The following EVL variants were observed in gnomAD, a reference collection of about 807,000 sequenced individuals.
EVL encodes ena/VASP-like protein.
A neutral mutation model predicts 59.6 loss-of-function variants in EVL; 21 were observed. The ratio of observed to expected loss-of-function variants is 0.35; its 90% CI spans 0.25 to 0.51. EVL has a LOEUF of 0.51. Among genes scored for constraint, EVL ranks in the 20% least tolerant of loss-of-function variants. The pLI, the probability that EVL is intolerant of heterozygous loss-of-function variation, is 0.97. For missense variants in EVL, 462 were observed against 546.6 expected, an observed-to-expected ratio of 0.85 and a Z score of 1.54; for synonymous variants, 198 against 203.5, an observed-to-expected ratio of 0.97 and a Z score of 0.23.
chr14:100,046,833 AC>A (rs1224708372), intron 1 of EVL, among the ~76,000 whole-genome samples: 1 of 148,628 alleles, frequency 6.7e-6, no homozygotes, highest in East Asian at 2.0e-4. Context: ...GCTCACTGCA[AC>A]CTCCGCCTCC....
intron 1 of EVL, among the ~76,000 whole-genome samples, chr14:100,080,415 G>A (rs992985834): frequency 1.3e-5 from 2 of 152,164 alleles, no homozygotes; most frequent in African/African-American, 4.8e-5. Context: ...GCCCCATGCT[G>A]GGCTCATGGA....
intron 1 of EVL, among the ~76,000 whole-genome samples, chr14:99,986,706 A>G (rs1039930489): frequency 6.6e-6 from 1 of 152,210 alleles, no homozygotes; most frequent in Non-Finnish European, 1.5e-5. Context: ...TTCCAAGGAG[A>G]TAGAGCATAA....
At chr14:100,115,952 G>A (rs372597641) in intron 3 of EVL, among the ~76,000 whole-genome samples, 73 of 152,360 alleles carry the variant, frequency 4.8e-4, no homozygotes, top group African/African-American at 1.8e-3. Flanking sequence ...AATCAGTGCT[G>A]AGCATCAGTG....
chr14:100,016,932 G>A (rs1220801386), intron 1 of EVL, among the ~76,000 whole-genome samples: 2 of 152,220 alleles, frequency 1.3e-5, no homozygotes, highest in Non-Finnish European at 2.9e-5. Context: ...AAAAGGGTCA[G>A]TGTCCTACCG....
At chr14:100,022,506 C>CT (rs1404018911) in intron 1 of EVL, among the ~76,000 whole-genome samples, 2 of 152,114 alleles carry the variant, frequency 1.3e-5, no homozygotes, top group African/African-American at 4.8e-5. Context: ...TCTTGAACTC[C>CT]TGACCTCATG....
At chr14:100,085,844 C>G (rs1417654538) in intron 2 of EVL, among the ~76,000 whole-genome samples, 1 of 152,150 alleles carries the variant, frequency 6.6e-6, no homozygotes, top group Admixed American at 6.5e-5. Flanking sequence ...GGTAGTCTTT[C>G]TGGCTGGGCA....
rs574378743 is a variant in EVL at position 100,143,878 on chromosome 14, A to T, written c.*140A>T. 11 of 992,278 alleles carry T rather than the reference A, an allele frequency of 1.1e-5. No individual in the cohort carries two copies. In the Admixed American group the frequency reaches 1.2e-4, roughly 11 times the overall value. The allele number at this position is 992,278 out of a possible 1,614,324, so 61.5% of individuals were successfully genotyped here. On this transcript the variant is annotated 3_prime_UTR_variant, in exon 14 of 14. Coordinates refer to ENST00000392920, the MANE Select transcript of EVL (RefSeq NM_016337.3). ...CTGCTGTGAAACGTCCTGACCTGTG[A>T]TCACACATGACAGTGAGGAAACCAA...
intron 3 of EVL, among the ~76,000 whole-genome samples, chr14:100,123,322 A>T (rs1043309675): frequency 6.6e-6 from 1 of 152,200 alleles, no homozygotes; most frequent in Non-Finnish European, 1.5e-5. Flanking sequence ...GGTCTCATTT[A>T]TTGGTTCAGA....
chr14:100,046,093 G>C (rs1011418512), intron 1 of EVL, among the ~76,000 whole-genome samples: 2 of 152,114 alleles, frequency 1.3e-5, no homozygotes, highest in African/African-American at 2.4e-5. Context: ...CTCTGTAAAG[G>C]CCTCTGAGAT....
chr14:100,097,658 G>C lies in EVL; in HGVS notation c.358G>C (p.Gly120Arg), dbSNP rs200233370. ...GAACATCATGAATTCCCAAGAAGGAGGTAAGTAGGGCTTTGTCTTGGCCTG... is the reference window on the plus strand; with the variant it reads ...GAACATCATGAATTCCCAAGAAGGACGTAAGTAGGGCTTTGTCTTGGCCTG... ...ALNIMNSQEGGPSSQRQVQNG... is the reference protein window; with the variant it reads ...ALNIMNSQEGRPSSQRQVQNG... The change falls in exon 3 of 14, where the codon GGC (glycine) becomes CGC (arginine). Residue 120 changes from glycine (G) to arginine (R), a missense_variant and splice_region_variant. By Grantham distance (125) the Gly-to-Arg change is moderately radical (BLOSUM62 -2). Transcript: ENST00000392920. 3 of 1,608,210 alleles carry C rather than the reference G, an allele frequency of 1.9e-6. No individual in the cohort carries two copies. The Admixed American group carries it at 5.1e-5, about 27-fold the overall frequency.
chr14:100,067,780 T>C (rs1480752329), intron 1 of EVL, among the ~76,000 whole-genome samples: 1 of 151,744 alleles, frequency 6.6e-6, no homozygotes, highest in Non-Finnish European at 1.5e-5. Context: ...TGGTAGGGAG[T>C]GAGGAAGACA....
intron 2 of EVL, among the ~76,000 whole-genome samples, chr14:100,089,709 C>G (rs2062522738): frequency 6.6e-6 from 1 of 152,118 alleles, no homozygotes; most frequent in Admixed American, 6.5e-5. Context: ...CCACCTGGGG[C>G]CAGGAGTTTT....
intron 1 of EVL, among the ~76,000 whole-genome samples, chr14:100,072,748 TAA>T (rs934186164): frequency 7.2e-5 from 11 of 152,270 alleles, no homozygotes; most frequent in Admixed American, 5.2e-4. Flanking sequence ...TAGTGAAAGG[TAA>T]AAGAGTGTCC....
intron 11 of EVL, chr14:100,138,248 C>T (rs2140403979): frequency 4.6e-6 from 1 of 216,522 alleles, no homozygotes; most frequent in Non-Finnish European, 9.3e-6. Context: ...ACAGTTCAAC[C>T]AGTCCTAGCA....
At chr14:100,000,171 G>T (rs193270657) in intron 1 of EVL, among the ~76,000 whole-genome samples, 1 of 152,288 alleles carries the variant, frequency 6.6e-6, no homozygotes, top group Non-Finnish European at 1.5e-5. Flanking sequence ...TCCTGACAAC[G>T]TGTGCCCAAG....
intron 1 of EVL, among the ~76,000 whole-genome samples, chr14:100,067,649 C>G (rs891226559): frequency 6.6e-6 from 1 of 152,172 alleles, no homozygotes; most frequent in African/African-American, 2.4e-5. Flanking sequence ...GAGAGAGTAA[C>G]TTGACAAGAG....
At chr14:100,082,670 T>C (rs1050515566) in intron 1 of EVL, among the ~76,000 whole-genome samples, 3 of 152,236 alleles carry the variant, frequency 2.0e-5, no homozygotes. Context: ...TTTTCAGCTC[T>C]GAGATTATTT....
intron 1 of EVL, among the ~76,000 whole-genome samples, chr14:100,043,193 C>A (rs762252189): frequency 7.9e-5 from 12 of 151,772 alleles, no homozygotes; most frequent in Non-Finnish European, 1.6e-4. Flanking sequence ...AATCAGGATT[C>A]TCCAGGGAGT....
rs144856588 is a variant in EVL, at chr14:100,142,441, G to A, written c.1219+648G>A. ...GCCAGAGGAAAAGGGGGAGTGGGCA[G>A]GGCAGACTCAGTCTAGGGACGAGCT... On this transcript the variant is annotated intron_variant, in intron 13 of 13. Coordinates refer to ENST00000392920, the MANE Select transcript of EVL (RefSeq NM_016337.3). 7.4e-4 allele frequency among the ~76,000 whole-genome samples: 113 copies of A among 152,366 alleles called. 2 individuals are homozygous for A. The East Asian group carries it at 0.019, about 26-fold the overall frequency.
Sources: gnomAD v4.1 joint callset for allele counts (sites outside exome capture counted in the v4.1 genomes callset) on GRCh38, gnomAD v4.1.1 for gene constraint, MANE v1.5 for transcripts, NCBI Gene and HGNC (gene_info 2026-07-23, HGNC 2026-07-21) for gene names.